The following DSE variants were observed in gnomAD, a reference collection of about 807,000 sequenced individuals.
DSE encodes the protein dermatan-sulfate epimerase.
In DSE, 36 loss-of-function variants were observed where a neutral mutation model predicts 84.4. The ratio of observed to expected loss-of-function variants is 0.43; its 90% CI spans 0.33 to 0.56. The LOEUF (loss-of-function observed/expected upper bound fraction) is 0.56. Ranked by LOEUF, DSE falls within the 20% of genes least tolerant of loss-of-function variation. The pLI is 0.06. For missense variants in DSE, 862 were observed against 1,169.6 expected (o/e 0.74, Z 3.84); for synonymous variants, 410 against 430.1 (o/e 0.95, Z 0.58).
At chr6:116,344,934 A>G (rs1003184301) in intron 2 of DSE, among the ~76,000 whole-genome samples, 3 of 152,184 alleles carry the variant, frequency 2.0e-5, no homozygotes, top group Non-Finnish European at 2.9e-5. Flanking sequence ...AGGAAAATCT[A>G]CCAAGCAAAT....
intron 2 of DSE, among the ~76,000 whole-genome samples, chr6:116,314,351 G>A (rs1185380826): frequency 6.6e-6 from 1 of 151,982 alleles, no homozygotes; most frequent in Non-Finnish European, 1.5e-5. Context: ...CTACTTGAGG[G>A]TCATGGGAAA....
intron 2 of DSE, among the ~76,000 whole-genome samples, chr6:116,329,488 C>G (rs1466571491): frequency 6.6e-6 from 1 of 151,712 alleles, no homozygotes; most frequent in Non-Finnish European, 1.5e-5. Context: ...GGAACTGATC[C>G]CAAAGAAAAA....
intron 2 of DSE, among the ~76,000 whole-genome samples, chr6:116,272,331 A>C (rs3088358): frequency 0.24 from 36,733 of 152,202 alleles, 5,562 homozygotes; most frequent in East Asian, 0.64. Flanking sequence ...TATCTATTAA[A>C]ACATCTTTGG....
intron 1 of DSE, among the ~76,000 whole-genome samples, chr6:116,377,488 C>T (rs1200236266): frequency 6.6e-6 from 1 of 152,052 alleles, no homozygotes; most frequent in Non-Finnish European, 1.5e-5. Flanking sequence ...TTGTAAAATG[C>T]AGTAATCTGC....
At chr6:116,263,705 C>G (rs578045046) in intron 2 of DSE, among the ~76,000 whole-genome samples, 1 of 152,310 alleles carries the variant, frequency 6.6e-6, no homozygotes, top group East Asian at 1.9e-4. Context: ...TGTCCCTAAT[C>G]TGTGTACTTC....
chr6:116,298,970 C>T (rs1318170698), intron 2 of DSE, among the ~76,000 whole-genome samples: 3 of 152,136 alleles, frequency 2.0e-5, no homozygotes, highest in East Asian at 1.9e-4. Context: ...GCATTGTGTG[C>T]ATATCTATGA....
At chr6:116,366,494 T>C (rs1779171533), upstream of DSE, 1 of 152,224 alleles carries the variant, frequency 6.6e-6, no homozygotes, top group African/African-American at 2.4e-5. Flanking sequence ...CTAATTTCAT[T>C]CATTCATGTA....
At chr6:116,320,006 G>C (rs2114757233) in intron 2 of DSE, among the ~76,000 whole-genome samples, 1 of 152,274 alleles carries the variant, frequency 6.6e-6, no homozygotes, top group East Asian at 1.9e-4. Flanking sequence ...CATAGCACCT[G>C]ATGCATTTTC....
chr6:116,291,018 C>T (rs905374976), intron 2 of DSE, among the ~76,000 whole-genome samples: 3 of 152,118 alleles, frequency 2.0e-5, no homozygotes, highest in African/African-American at 7.2e-5. Context: ...GAGACCAGAC[C>T]ACTTCGTCTG....
intron 2 of DSE, among the ~76,000 whole-genome samples, chr6:116,353,473 G>T (rs766226186): frequency 6.6e-6 from 1 of 152,122 alleles, no homozygotes; most frequent in Non-Finnish European, 1.5e-5. Flanking sequence ...TCTTATAAAG[G>T]TTTCTCAGTA....
At chr6:116,270,598 C>T (rs924283788) in intron 2 of DSE, among the ~76,000 whole-genome samples, 40 of 152,046 alleles carry the variant, frequency 2.6e-4, no homozygotes, top group African/African-American at 9.4e-4. Context: ...CAATTTAATT[C>T]AGGCAGTAGA....
chr6:116,430,643 A>G (rs548944579), intron 3 of DSE, among the ~76,000 whole-genome samples: 3 of 151,892 alleles, frequency 2.0e-5, no homozygotes, highest in South Asian at 4.2e-4. Flanking sequence ...CCGGGTTCAC[A>G]CCATTCTCCT....
chr6:116,318,004 C>A (rs530261605), intron 2 of DSE, among the ~76,000 whole-genome samples: 91 of 152,046 alleles, frequency 6.0e-4, no homozygotes, highest in Non-Finnish European at 1.1e-3. Flanking sequence ...GTTTTTTAAA[C>A]CTCAAATAGT....
At chr6:116,291,988 C>T (rs968607409) in intron 2 of DSE, among the ~76,000 whole-genome samples, 1 of 152,102 alleles carries the variant, frequency 6.6e-6, no homozygotes, top group Non-Finnish European at 1.5e-5. Context: ...AGTTCAGCTA[C>T]AGACAAGGAG....
chr6:116,312,548 G>A (rs1187324889), intron 2 of DSE, among the ~76,000 whole-genome samples: 1 of 152,074 alleles, frequency 6.6e-6, no homozygotes, highest in Non-Finnish European at 1.5e-5. Flanking sequence ...AGACCTTGAA[G>A]GAGAAACCTA....
At position 116,443,952 on chromosome 6, in the gene DSE, T is replaced by C. The variant is rs1784502786; in HGVS notation, c.*6607T>C. 6.6e-6 allele frequency: 1 copy of C among 152,234 alleles called. No individual in the cohort carries two copies. Among genetic ancestry groups the C allele is most frequent in the Non-Finnish European group, 1.5e-5 (1 of 68,032 alleles). The allele number at this position is 152,234 out of a possible 1,614,324, so 9.4% of individuals were successfully genotyped here. A position where few individuals can be genotyped will look rare whatever the true frequency, so the allele number is the denominator to read the frequency against. Reference sequence around the variant, plus strand: ...ACTTTGTACTTTTCAGTCTCTGCTGTTTACCATTTTTGTCCAGGATCAGAG... The same window carrying C: ...ACTTTGTACTTTTCAGTCTCTGCTGCTTACCATTTTTGTCCAGGATCAGAG... On this transcript the variant is annotated 3_prime_UTR_variant, in exon 6 of 6. Transcript: ENST00000644252.
chr6:116,430,693 C>A (rs549756475), intron 3 of DSE, among the ~76,000 whole-genome samples: 117 of 152,308 alleles, frequency 7.7e-4, no homozygotes, highest in African/African-American at 2.7e-3. Context: ...AGGCATCTGC[C>A]ACCACACCCG....
intron 2 of DSE, among the ~76,000 whole-genome samples, chr6:116,410,352 T>G (rs1583192443): frequency 6.6e-6 from 1 of 152,162 alleles, no homozygotes; most frequent in Non-Finnish European, 1.5e-5. Context: ...GTCATGTCCT[T>G]GTGTTCCCTT....
intron 1 of DSE, among the ~76,000 whole-genome samples, chr6:116,388,007 G>C (rs1212421525): frequency 1.3e-5 from 2 of 152,130 alleles, no homozygotes; most frequent in Non-Finnish European, 2.9e-5. Context: ...GGCCTGAGCA[G>C]CTTTAATTAG....
Sources: gnomAD v4.1 joint callset for allele counts (sites outside exome capture counted in the v4.1 genomes callset) on GRCh38, gnomAD v4.1.1 for gene constraint, MANE v1.5 for transcripts, NCBI Gene and HGNC (gene_info 2026-07-23, HGNC 2026-07-21) for gene names.